The following PTGIS variants were observed in gnomAD, a reference collection of about 807,000 sequenced individuals.
PTGIS encodes the protein prostaglandin I2 synthase.
A neutral mutation model predicts 50.3 loss-of-function variants in PTGIS; 45 were observed. That is an observed-to-expected ratio of 0.90 (90% CI 0.70 to 1.15). PTGIS has a LOEUF of 1.15. PTGIS is among the 50% of genes most tolerant of loss of function. PTGIS has a pLI of 0.00. For synonymous variants in PTGIS, 260 were observed against 267.7 expected (o/e 0.97, Z 0.28); for missense variants, 668 against 661.3 (o/e 1.01, Z -0.11).
rs943316605 is a variant in PTGIS at position 49,538,157 on chromosome 20, A to T, written c.673+1413T>A. ...GTAGTCCCAGCTACTCAAGAAGCTG[A>T]GGGGGAAGGATCACTTGATCCCAGG... On this transcript the variant is annotated intron_variant, in intron 5 of 9. Transcript: ENST00000244043. 3.4e-5 allele frequency among the ~76,000 whole-genome samples: 5 copies of T among 145,564 alleles called. No individual in the cohort carries two copies. In the Admixed American group the frequency reaches 3.5e-4, roughly 10 times the overall value.
chr20:49,563,341 C>T (rs980128014), intron 1 of PTGIS, among the ~76,000 whole-genome samples: 3 of 152,244 alleles, frequency 2.0e-5, no homozygotes, highest in African/African-American at 7.2e-5. Context: ...CCCCGCACTG[C>T]TACCACTGTG....
chr20:49,547,168 G>C (rs953066915), intron 3 of PTGIS, among the ~76,000 whole-genome samples: 3 of 152,212 alleles, frequency 2.0e-5, no homozygotes, highest in Non-Finnish European at 1.5e-5. Context: ...GGAGGCGGAG[G>C]TTACAGTGAG....
chr20:49,509,949 C>T (rs372951919), intron 9 of PTGIS, among the ~76,000 whole-genome samples: 81 of 141,946 alleles, frequency 5.7e-4, no homozygotes, highest in Middle Eastern at 7.8e-3. Flanking sequence ...AGTGCAACGG[C>T]GCAATCTTGG....
intron 1 of PTGIS, among the ~76,000 whole-genome samples, chr20:49,554,009 A>G (rs116513593): frequency 0.027 from 4,093 of 152,246 alleles, 183 homozygotes; most frequent in African/African-American, 0.093. Flanking sequence ...TTGGGTTTTG[A>G]TATTAAAAAT....
chr20:49,510,671 C>G (rs766657338), intron 9 of PTGIS, among the ~76,000 whole-genome samples: 1 of 152,130 alleles, frequency 6.6e-6, no homozygotes, highest in Non-Finnish European at 1.5e-5. Flanking sequence ...CAGTGAAGTT[C>G]GGCCAGTTCC....
chr20:49,533,588 A>G (rs1645110633), intron 5 of PTGIS, among the ~76,000 whole-genome samples: 1 of 152,246 alleles, frequency 6.6e-6, no homozygotes, highest in Non-Finnish European at 1.5e-5. Flanking sequence ...GTTCAAGTCC[A>G]CATCTTGTAA....
chr20:49,567,985 A>C, intron 1 of PTGIS, 58 bp downstream of exon 1: 6 of 1,410,540 alleles, frequency 4.3e-6, no homozygotes, highest in African/African-American at 1.5e-5. Flanking sequence ...CTTGGGCTGC[A>C]GCCCGGGCGG....
chr20:49,559,460 C>T (rs557533829), intron 1 of PTGIS, among the ~76,000 whole-genome samples: 9 of 152,306 alleles, frequency 5.9e-5, no homozygotes, highest in African/African-American at 1.9e-4. Context: ...TGCCTGAGAT[C>T]CAAGAACCCT....
At chr20:49,558,699 G>C (rs902166130) in intron 1 of PTGIS, among the ~76,000 whole-genome samples, 3 of 142,094 alleles carry the variant, frequency 2.1e-5, no homozygotes, top group African/African-American at 8.0e-5. Flanking sequence ...GCAATCCCAA[G>C]AAGAAGTTAG....
intron 1 of PTGIS, among the ~76,000 whole-genome samples, chr20:49,562,537 T>C (rs1982802915): frequency 2.0e-5 from 3 of 152,230 alleles, no homozygotes; most frequent in Admixed American, 6.5e-5. Flanking sequence ...AGGCTCTGTT[T>C]TGGGGACTGT....
intron 7 of PTGIS, among the ~76,000 whole-genome samples, chr20:49,513,744 C>A (rs1474582861): frequency 6.6e-6 from 1 of 151,968 alleles, no homozygotes; most frequent in Admixed American, 6.6e-5. Flanking sequence ...GACACATGAC[C>A]CAAAGAAAGC....
intron 3 of PTGIS, among the ~76,000 whole-genome samples, 200 bp downstream of exon 3, chr20:49,547,641 A>C (rs1176766228): frequency 2.0e-5 from 3 of 151,936 alleles, no homozygotes; most frequent in Admixed American, 6.6e-5. Context: ...AAACAAAAAA[A>C]CCCGCCAGAG....
At chr20:49,532,176 A>C (rs946379301) in intron 5 of PTGIS, among the ~76,000 whole-genome samples, 2 of 152,228 alleles carry the variant, frequency 1.3e-5, no homozygotes, top group African/African-American at 4.8e-5. Flanking sequence ...TATTGGCTTA[A>C]ATAAAATGTA....
chr20:49,524,008 G>T lies in PTGIS; in HGVS notation c.855+50C>A, dbSNP rs143210709. 10 of 1,605,540 alleles carry T rather than the reference G, an allele frequency of 6.2e-6. No homozygotes were observed. In the African/African-American group the frequency reaches 1.1e-4, roughly 17 times the overall value. On this transcript the variant is annotated intron_variant, in intron 6 of 9. Coordinates refer to ENST00000244043, the MANE Select transcript of PTGIS (RefSeq NM_000961.4). ...ATGCACACACACATGCGTTCATATC[G>T]CAACCACACATGCACACCTGCACAC...
intron 5 of PTGIS, among the ~76,000 whole-genome samples, chr20:49,528,065 G>A (rs188454167): frequency 1.3e-5 from 2 of 152,226 alleles, no homozygotes; most frequent in African/African-American, 2.4e-5. Flanking sequence ...ACTTGAACCC[G>A]GGAGGTGGAG....
At chr20:49,530,820 C>T (rs1297344412) in intron 5 of PTGIS, among the ~76,000 whole-genome samples, 1 of 152,086 alleles carries the variant, frequency 6.6e-6, no homozygotes, top group South Asian at 2.1e-4. Context: ...AGTGCAGTGG[C>T]GTGATCTCGG....
Position 49,550,180 on chromosome 20 carries a change from A to G in PTGIS, c.84T>C (p.Gly28=). ...TGCTGCCCAGGTCCAGGGGAGGCTC[A>G]CCAGGTCGCCTACAGAAGCCATGGC... The part of the protein sequence containing the change: ...LLSRRRTRRP[G]EPPLDLGSIP... Residue 28 remains glycine, a synonymous_variant, in exon 2 of 10, where the codon GGT becomes GGC. Transcript: ENST00000244043. 1 of 1,613,074 alleles carries G rather than the reference A, an allele frequency of 6.2e-7. No homozygotes were observed. The highest frequency in any genetic ancestry group is 8.5e-7 in the Non-Finnish European group (1 of 1,180,024).
intron 9 of PTGIS, among the ~76,000 whole-genome samples, chr20:49,508,707 A>G (rs184498305): frequency 7.9e-5 from 12 of 152,318 alleles, no homozygotes; most frequent in Non-Finnish European, 1.8e-4. Flanking sequence ...TTTTACTGCC[A>G]TCTCTGAGAA....
intron 1 of PTGIS, among the ~76,000 whole-genome samples, chr20:49,556,412 C>G (rs1213121847): frequency 6.6e-6 from 1 of 152,144 alleles, no homozygotes; most frequent in African/African-American, 2.4e-5. Context: ...GGGTCCTGAC[C>G]TGTGGAAAGC....
Sources: gnomAD v4.1 joint callset for allele counts (sites outside exome capture counted in the v4.1 genomes callset) on GRCh38, gnomAD v4.1.1 for gene constraint, MANE v1.5 for transcripts, NCBI Gene and HGNC (gene_info 2026-07-23, HGNC 2026-07-21) for gene names.